The following TMCC1 variants were observed in gnomAD, a reference collection of about 807,000 sequenced individuals.
TMCC1 encodes transmembrane and coiled-coil domains protein 1.
TMCC1 carries 15 observed loss-of-function variants against 52.4 expected under a neutral mutation model. The ratio of observed to expected loss-of-function variants is 0.29; its 90% CI spans 0.19 to 0.44. The LOEUF (loss-of-function observed/expected upper bound fraction) is 0.44. TMCC1 is among the 20% of genes least tolerant of loss of function. TMCC1 has a pLI of 1.00. For missense variants in TMCC1, 503 were observed against 806.0 expected, an observed-to-expected ratio of 0.62 and a Z score of 4.55; for synonymous variants, 279 against 301.9, an observed-to-expected ratio of 0.92 and a Z score of 0.79.
In TMCC1 at chr3:129,841,584, A is replaced by AAATAAT. The variant is rs370617810; in HGVS notation, c.-183-8764_-183-8759dup. Among the ~76,000 whole-genome samples, 3 of 152,192 alleles carry AAATAAT rather than the reference A, an allele frequency of 2.0e-5. No individual in the cohort carries two copies. In the East Asian group the frequency reaches 5.8e-4, roughly 29 times the overall value. ...GGCAACAGAGTGAGACTCCCTCTCAAAATAATAATAATAATAATGAAAATG... is the reference window on the plus strand; with the variant it reads ...GGCAACAGAGTGAGACTCCCTCTCAAAATAATAATAATAATAATAATAATGAAAATG... On this transcript the variant is annotated intron_variant, in intron 2 of 6. Transcript: ENST00000393238.
At chr3:129,838,752 CAAAAAAAAAA>C (rs35240365) in intron 2 of TMCC1, among the ~76,000 whole-genome samples, 4 of 65,824 alleles carry the variant, frequency 6.1e-5, no homozygotes, top group African/African-American at 1.3e-4. Flanking sequence ...GACTCTGTCT[CAAAAAAAAAA>C]AAAAAAAAAA....
chr3:129,688,383 T>G (rs966062569), intron 4 of TMCC1: 3 of 985,312 alleles, frequency 3.0e-6, no homozygotes, highest in Non-Finnish European at 3.6e-6. Flanking sequence ...TTTCCGAGAA[T>G]AACGCTGCAA....
At chr3:129,680,989 G>C (rs572977252) in intron 4 of TMCC1, among the ~76,000 whole-genome samples, 1 of 152,148 alleles carries the variant, frequency 6.6e-6, no homozygotes, top group South Asian at 2.1e-4. Flanking sequence ...TATTAACTAT[G>C]TATATGCAAA....
chr3:129,845,190 TCACA>T (rs67832332), intron 2 of TMCC1, among the ~76,000 whole-genome samples: 124,552 of 148,980 alleles, frequency 0.84, 52,454 homozygotes, highest in East Asian at 0.94. Context: ...CCTGTCACAC[TCACA>T]CACACACACA....
intron 4 of TMCC1, among the ~76,000 whole-genome samples, chr3:129,779,420 A>G (rs1481198130): frequency 2.0e-5 from 3 of 152,200 alleles, no homozygotes; most frequent in African/African-American, 4.8e-5. Context: ...CATTCTCATC[A>G]TCTGTATTTA....
chr3:129,784,641 G>A (rs2055838818), intron 4 of TMCC1, among the ~76,000 whole-genome samples: 1 of 151,510 alleles, frequency 6.6e-6, no homozygotes, highest in Non-Finnish European at 1.5e-5. Context: ...GGAGAAGAGT[G>A]TGTGGAGGGA....
chr3:129,693,797 T>C (rs1225626092), intron 4 of TMCC1, among the ~76,000 whole-genome samples: 2 of 152,194 alleles, frequency 1.3e-5, no homozygotes, highest in East Asian at 3.8e-4. Flanking sequence ...TTTCATGGAA[T>C]ACTGAGCATT....
At chr3:129,695,913 G>A (rs1453886411) in intron 4 of TMCC1, among the ~76,000 whole-genome samples, 1 of 152,106 alleles carries the variant, frequency 6.6e-6, no homozygotes, top group Non-Finnish European at 1.5e-5. Flanking sequence ...TTAACCCTAT[G>A]TATCATGACT....
chr3:129,892,440 T>C (rs1208434608), intron 1 of TMCC1: 43 of 152,176 alleles, frequency 2.8e-4, no homozygotes, highest in Admixed American at 2.7e-3. Context: ...AATCTCCTAA[T>C]ATACAGAGAA....
intron 5 of TMCC1, among the ~76,000 whole-genome samples, chr3:129,665,440 A>G (rs1251236891): frequency 6.6e-6 from 1 of 152,244 alleles, no homozygotes; most frequent in Admixed American, 6.5e-5. Flanking sequence ...GGATTCTGAG[A>G]AGGGGAAATA....
At chr3:129,860,468 A>C (rs2060337638) in intron 2 of TMCC1, among the ~76,000 whole-genome samples, 1 of 152,182 alleles carries the variant, frequency 6.6e-6, no homozygotes, top group Admixed American at 6.5e-5. Flanking sequence ...CAAGATACAA[A>C]TATGTGTATA....
intron 4 of TMCC1, among the ~76,000 whole-genome samples, chr3:129,814,848 G>A (rs1038395206): frequency 5.3e-5 from 8 of 152,120 alleles, no homozygotes; most frequent in South Asian, 2.1e-4. Flanking sequence ...TCAGGAAGCC[G>A]ATGTAACAAT....
At chr3:129,740,233 C>G (rs1041731574) in intron 4 of TMCC1, among the ~76,000 whole-genome samples, 23 of 152,134 alleles carry the variant, frequency 1.5e-4, no homozygotes, top group African/African-American at 5.6e-4. Flanking sequence ...TCCTAGATAC[C>G]AATCACTATG....
chr3:129,697,420 G>A (rs996044285), intron 4 of TMCC1, among the ~76,000 whole-genome samples: 6 of 152,108 alleles, frequency 3.9e-5, no homozygotes, highest in Non-Finnish European at 7.4e-5. Context: ...GGGGGTCCTC[G>A]GCCTGGCCCA....
At position 129,651,371 on chromosome 3, in the gene TMCC1, C is replaced by G; in HGVS notation, c.*110G>C. ...ACATTATTCTAAATGTAAACAGATT[C>G]ACTCAACTCTTTTTTTGTTGTAGAA... On this transcript the variant is annotated 3_prime_UTR_variant, in exon 7 of 7. Transcript: ENST00000393238. The surrounding 1 kb of genome is among the most constrained non-coding windows in gnomAD (Gnocchi z 5.1). The G allele has an allele frequency of 1.7e-6, 2 of 1,146,726 alleles. No homozygotes were observed. 71.0% of individuals were successfully genotyped at this position (1,146,726 alleles called of 1,614,324 possible).
chr3:129,769,858 T>C (rs2107698846), intron 4 of TMCC1, among the ~76,000 whole-genome samples: 1 of 152,330 alleles, frequency 6.6e-6, no homozygotes, highest in East Asian at 1.9e-4. Flanking sequence ...CAAAAGTACT[T>C]TTTAAATGCT....
intron 4 of TMCC1, among the ~76,000 whole-genome samples, chr3:129,804,657 A>G (rs1443470161): frequency 6.6e-6 from 1 of 152,194 alleles, no homozygotes; most frequent in Non-Finnish European, 1.5e-5. Flanking sequence ...TCAGCCAGGT[A>G]TTTGGAGAGT....
chr3:129,812,796 T>C (rs186430586), intron 4 of TMCC1, among the ~76,000 whole-genome samples: 282 of 152,128 alleles, frequency 1.9e-3, no homozygotes, highest in African/African-American at 5.7e-3. Flanking sequence ...CCAAAAGCGA[T>C]TGCAACAAAA....
intron 4 of TMCC1, among the ~76,000 whole-genome samples, chr3:129,772,749 T>C (rs919066634): frequency 6.7e-6 from 1 of 148,240 alleles, no homozygotes; most frequent in South Asian, 2.1e-4. Context: ...AAAAAACTGA[T>C]TCACAGAAAA....
Sources: gnomAD v4.1 joint callset for allele counts (sites outside exome capture counted in the v4.1 genomes callset) on GRCh38, gnomAD v4.1.1 for gene constraint, Gnocchi (gnomAD v3.1) non-coding constraint, MANE v1.5 for transcripts, NCBI Gene and HGNC (gene_info 2026-07-23, HGNC 2026-07-21) for gene names.